Variants in CFAP61 observed in about 807,000 individuals in gnomAD.
CFAP61 encodes cilia and flagella associated protein 61.
In CFAP61, 107 loss-of-function variants were observed where a neutral mutation model predicts 135.6. The observed-to-expected ratio is 0.79, with a 90% CI of 0.67 to 0.93. The LOEUF is 0.93. CFAP61 is among the 40% of genes least tolerant of loss of function. CFAP61 has a pLI of 0.00. For synonymous variants in CFAP61, 575 were observed against 578.5 expected (o/e 0.99, Z 0.09); for missense variants, 1,507 against 1,556.2 (o/e 0.97, Z 0.53).
At chr20:20,082,190 C>T (rs922469591) in intron 6 of CFAP61, among the ~76,000 whole-genome samples, 1 of 152,144 alleles carries the variant, frequency 6.6e-6, no homozygotes, top group Non-Finnish European at 1.5e-5. Flanking sequence ...TTTTGACATC[C>T]GTTTCAACGA....
chr20:20,200,045 C>G (rs1266630206), intron 17 of CFAP61, 143 bp downstream of exon 17: 1 of 967,978 alleles, frequency 1.0e-6, no homozygotes, highest in Non-Finnish European at 1.5e-6. Context: ...GGCGGAGCCC[C>G]GCGAAGGCTC....
intron 8 of CFAP61, among the ~76,000 whole-genome samples, chr20:20,116,678 A>T (rs774163413): frequency 6.6e-6 from 1 of 152,134 alleles, no homozygotes; most frequent in Non-Finnish European, 1.5e-5. Flanking sequence ...CTACTGATCT[A>T]TCAAACACTG....
intron 25 of CFAP61, among the ~76,000 whole-genome samples, chr20:20,305,768 C>A (rs2122169062): frequency 6.6e-6 from 1 of 152,330 alleles, no homozygotes; most frequent in South Asian, 2.1e-4. Context: ...CCCACTCATT[C>A]AATTACAGGC....
intron 17 of CFAP61, among the ~76,000 whole-genome samples, chr20:20,216,817 G>A (rs2048071440): frequency 6.6e-6 from 1 of 151,704 alleles, no homozygotes; most frequent in South Asian, 2.1e-4. Context: ...TCATGGGATG[G>A]GATCTTCATT....
At chr20:20,068,471 A>G (rs908417541) in intron 2 of CFAP61, among the ~76,000 whole-genome samples, 1 of 152,132 alleles carries the variant, frequency 6.6e-6, no homozygotes, top group African/African-American at 2.4e-5. Context: ...GGAACCTGGG[A>G]CAGTCTACTC....
intron 9 of CFAP61, among the ~76,000 whole-genome samples, chr20:20,154,873 C>T (rs2052753880): frequency 6.6e-6 from 1 of 152,050 alleles, no homozygotes; most frequent in Non-Finnish European, 1.5e-5. Flanking sequence ...AGATTCAATG[C>T]ACTTCCCATA....
intron 6 of CFAP61, among the ~76,000 whole-genome samples, chr20:20,083,073 A>G (rs1208252579): frequency 6.6e-6 from 1 of 152,212 alleles, no homozygotes. Context: ...TTACAATTGC[A>G]AGGATATGGA....
At chr20:20,284,735 A>T (rs2054457249) in intron 22 of CFAP61, among the ~76,000 whole-genome samples, 1 of 152,192 alleles carries the variant, frequency 6.6e-6, no homozygotes, top group African/African-American at 2.4e-5. Context: ...CCTTCTCCCC[A>T]TATTCTGGAT....
intron 8 of CFAP61, among the ~76,000 whole-genome samples, chr20:20,105,722 C>T (rs1361467408): frequency 6.6e-6 from 1 of 151,828 alleles, no homozygotes; most frequent in Non-Finnish European, 1.5e-5. Context: ...AGCTCCGCCT[C>T]CCAGGTTCAC....
intron 16 of CFAP61, among the ~76,000 whole-genome samples, chr20:20,198,234 C>G (rs1367287688): frequency 6.6e-6 from 1 of 152,116 alleles, no homozygotes; most frequent in Non-Finnish European, 1.5e-5. Context: ...AAATCCTGGT[C>G]CTGCACAGTT....
chr20:20,151,522 A>G lies in CFAP61; in HGVS notation c.952-7848A>G, dbSNP rs192087012. 2.4e-4 allele frequency among the ~76,000 whole-genome samples: 37 copies of G among 152,214 alleles called. No individual in the cohort carries two copies. The East Asian group carries it at 7.2e-3, about 29-fold the overall frequency. On this transcript the variant is annotated intron_variant, in intron 9 of 26. Transcript: ENST00000245957. ...CCCTGGCCTCACTAGAGATCTAGAC[A>G]TCCAAATATAAGAAGCTCAAAGGGC...
intron 17 of CFAP61, among the ~76,000 whole-genome samples, chr20:20,204,035 G>C (rs186631002): frequency 6.6e-6 from 1 of 152,274 alleles, no homozygotes; most frequent in Non-Finnish European, 1.5e-5. Context: ...AACCTGCTTT[G>C]AACTTAAAGA....
At chr20:20,094,957 C>A (rs1421530487) in intron 7 of CFAP61, among the ~76,000 whole-genome samples, 1 of 152,150 alleles carries the variant, frequency 6.6e-6, no homozygotes, top group East Asian at 1.9e-4. Flanking sequence ...CTCTCAAGGG[C>A]TGATTGTTAA....
At chr20:20,075,318 T>G (rs2045975240) in intron 5 of CFAP61, 62 bp downstream of exon 5, 1 of 1,558,850 alleles carries the variant, frequency 6.4e-7, no homozygotes, top group Admixed American at 1.7e-5. Flanking sequence ...ACTCCCAGAA[T>G]GGTGCTTTGG....
intron 9 of CFAP61, among the ~76,000 whole-genome samples, chr20:20,152,601 A>C (rs973348742): frequency 3.3e-5 from 5 of 152,246 alleles, no homozygotes; most frequent in African/African-American, 1.2e-4. Context: ...CATACTTTAA[A>C]GCAACAACAG....
At chr20:20,067,717 A>C (rs2045392222) in intron 2 of CFAP61, among the ~76,000 whole-genome samples, 2 of 145,194 alleles carry the variant, frequency 1.4e-5, no homozygotes, top group Non-Finnish European at 3.0e-5. Context: ...TTTTATATAT[A>C]ATATATATTC....
chr20:20,284,944 A>G (rs1164667195), intron 22 of CFAP61, among the ~76,000 whole-genome samples: 1 of 152,224 alleles, frequency 6.6e-6, no homozygotes, highest in African/African-American at 2.4e-5. Flanking sequence ...TTCAGCCTAA[A>G]TGAGCTTCAG....
At chr20:20,132,012 C>A (rs1487293641) in intron 8 of CFAP61, among the ~76,000 whole-genome samples, 2 of 151,974 alleles carry the variant, frequency 1.3e-5, no homozygotes, top group Non-Finnish European at 2.9e-5. Context: ...TGTTGTACAG[C>A]AGATCTCTAG....
At chr20:20,140,920 C>CTTTTT in intron 8 of CFAP61, among the ~76,000 whole-genome samples, 1 of 143,228 alleles carries the variant, frequency 7.0e-6, no homozygotes, top group Non-Finnish European at 1.5e-5. Context: ...TTTTTTTTTC[C>CTTTTT]TTTTTTTTTT....
Sources: allele counts gnomAD v4.1 joint callset (sites outside exome capture counted in the v4.1 genomes callset), GRCh38; gene constraint gnomAD v4.1.1; transcripts MANE v1.5; gene names NCBI Gene and HGNC (gene_info 2026-07-23, HGNC 2026-07-21).